BPTF: variants seen among roughly 807,000 people sequenced by gnomAD.
BPTF encodes the protein bromodomain PHD finger transcription factor.
Under a neutral mutation model 292.5 loss-of-function variants are expected in BPTF, and 18 were observed. The ratio of observed to expected loss-of-function variants is 0.06; its 90% CI spans 0.04 to 0.09. BPTF has a LOEUF of 0.09. Ranked by LOEUF, BPTF falls within the 10% of genes least tolerant of loss-of-function variation. The pLI, the probability that BPTF is intolerant of heterozygous loss-of-function variation, is 1.00. For missense variants in BPTF, 2,726 were observed against 3,498.7 expected, an observed-to-expected ratio of 0.78 and a Z score of 5.57; for synonymous variants, 1,225 against 1,251.9, an observed-to-expected ratio of 0.98 and a Z score of 0.45.
At chr17:67,932,353 C>T (rs1191277055) in intron 18 of BPTF, among the ~76,000 whole-genome samples, 2 of 152,114 alleles carry the variant, frequency 1.3e-5, no homozygotes, top group African/African-American at 2.4e-5. Flanking sequence ...AAATGCAGTG[C>T]CAGATGTTCA....
chr17:67,863,981 T>TTGC (rs1359765373), intron 2 of BPTF, among the ~76,000 whole-genome samples: 2 of 152,168 alleles, frequency 1.3e-5, no homozygotes, highest in Non-Finnish European at 2.9e-5. Flanking sequence ...TGTCTTCTCT[T>TTGC]TGCCACCCTA....
intron 18 of BPTF, among the ~76,000 whole-genome samples, chr17:67,935,419 C>A (rs536516727): frequency 6.6e-6 from 1 of 151,654 alleles, no homozygotes; most frequent in South Asian, 2.1e-4. Flanking sequence ...CAGAGTGAAA[C>A]CCTGTCTCAA....
intron 23 of BPTF, chr17:67,956,674 A>AC (rs2066972157): frequency 6.6e-6 from 1 of 151,724 alleles, no homozygotes; most frequent in Admixed American, 6.6e-5. Flanking sequence ...AAAAAAAAAA[A>AC]AAAAAACGGT....
At chr17:67,874,029 T>TGGATGGATGGATGGATG (rs398119969) in intron 3 of BPTF, among the ~76,000 whole-genome samples, 5 of 152,014 alleles carry the variant, frequency 3.3e-5, no homozygotes, top group African/African-American at 9.7e-5. Flanking sequence ...GATGGATGGA[T>TGGATGGATGGATGGATG]ATGTGTCAAA....
intron 24 of BPTF, 25 bp downstream of exon 24, chr17:67,959,900 GT>G: frequency 1.4e-6 from 2 of 1,462,772 alleles, no homozygotes; most frequent in Non-Finnish European, 1.8e-6. Context: ...TTGAGCTCTA[GT>G]TTTTTGTCTT....
At chr17:67,976,272 A>G (rs1270104835) in intron 27 of BPTF, among the ~76,000 whole-genome samples, 1 of 152,224 alleles carries the variant, frequency 6.6e-6, no homozygotes. Flanking sequence ...CAGGAGTTCG[A>G]GCCCAGACTG....
At chr17:67,972,121 C>T (rs2068831316) in intron 26 of BPTF, among the ~76,000 whole-genome samples, 1 of 152,130 alleles carries the variant, frequency 6.6e-6, no homozygotes. Flanking sequence ...TTTTTAATTT[C>T]TGCTAATTTG....
At chr17:67,884,345 A>G (rs1371813186) in intron 4 of BPTF, among the ~76,000 whole-genome samples, 1 of 150,488 alleles carries the variant, frequency 6.6e-6, no homozygotes, top group Non-Finnish European at 1.5e-5. Context: ...ACCTCAGGTG[A>G]CCTCAGGTGA....
intron 27 of BPTF, chr17:67,981,984 AATATATATATATAT>A (rs35063149): frequency 0.076 from 10,443 of 137,874 alleles, 456 homozygotes; most frequent in African/African-American, 0.12. Flanking sequence ...TTATTAGACA[AATATATATATATAT>A]ATATATATAT....
chr17:67,878,681 C>CGT (rs61427510), intron 4 of BPTF, among the ~76,000 whole-genome samples: 2,405 of 149,928 alleles, frequency 0.016, 24 homozygotes, highest in Middle Eastern at 0.021. Flanking sequence ...TTTATGTGTT[C>CGT]GTGTGTGTGT....
chr17:67,879,132 AT>A (rs1385846904), intron 4 of BPTF, among the ~76,000 whole-genome samples: 1 of 129,974 alleles, frequency 7.7e-6, no homozygotes, highest in Non-Finnish European at 1.6e-5. Context: ...GTTGTTAATT[AT>A]TTCTTTTTTT....
At chr17:67,874,758 G>A in intron 3 of BPTF, 59 bp from the exon 4 acceptor site, 1 of 1,124,898 alleles carries the variant, frequency 8.9e-7, no homozygotes, top group Non-Finnish European at 1.3e-6. Flanking sequence ...GACATTTGTG[G>A]TACTGTTCTA....
chr17:67,864,484 C>T (rs1049220372), intron 2 of BPTF, among the ~76,000 whole-genome samples: 13 of 144,928 alleles, frequency 9.0e-5, no homozygotes, highest in African/African-American at 2.6e-4. Flanking sequence ...GCCAAGATTG[C>T]GCCACTGCAC....
chr17:67,871,025 C>T (rs1002404537), intron 3 of BPTF, among the ~76,000 whole-genome samples: 1 of 151,972 alleles, frequency 6.6e-6, no homozygotes, highest in Non-Finnish European at 1.5e-5. Context: ...CCCGCCTCGG[C>T]CTCCCAAAGT....
At chr17:67,880,139 C>T (rs916497718) in intron 4 of BPTF, among the ~76,000 whole-genome samples, 4 of 151,928 alleles carry the variant, frequency 2.6e-5, no homozygotes, top group African/African-American at 4.8e-5. Context: ...GGTCTATACT[C>T]GCTCTATTTT....
chr17:67,827,167 AC>A (rs1245763122), intron 1 of BPTF, among the ~76,000 whole-genome samples: 2 of 152,226 alleles, frequency 1.3e-5, no homozygotes, highest in African/African-American at 4.8e-5. Context: ...GTTTCGTGTC[AC>A]CTGTTGCAGA....
At chr17:67,849,812 G>A (rs1051855912) in intron 1 of BPTF, among the ~76,000 whole-genome samples, 15 of 152,024 alleles carry the variant, frequency 9.9e-5, no homozygotes, top group African/African-American at 3.6e-4. Flanking sequence ...ATGGTGGTGG[G>A]CACCTGTAGT....
At position 67,920,152 on chromosome 17, in the gene BPTF, T is replaced by C. The variant is rs763939294; in HGVS notation, c.5557+9T>C. 73 of 1,606,318 alleles carry C rather than the reference T, an allele frequency of 4.5e-5. 1 individual carries two copies. The South Asian group carries it at 7.6e-4, about 17-fold the overall frequency. On this transcript the variant is annotated intron_variant, in intron 13 of 27. Coordinates refer to ENST00000306378, the MANE Select transcript of BPTF (RefSeq NM_182641.4). ...TCCAGAAACACCAAAAGGTAAGAAA[T>C]AGAATTCTATTCTTTCATGATTAAC...
chr17:67,870,937 T>G (rs2059689655), intron 3 of BPTF, among the ~76,000 whole-genome samples: 1 of 151,170 alleles, frequency 6.6e-6, no homozygotes, highest in Admixed American at 6.6e-5. Context: ...GCCCGGCTAA[T>G]TTTTTGTATT....
Sources: allele counts gnomAD v4.1 joint callset (sites outside exome capture counted in the v4.1 genomes callset), GRCh38; gene constraint gnomAD v4.1.1; transcripts MANE v1.5; gene names NCBI Gene and HGNC (gene_info 2026-07-23, HGNC 2026-07-21).